Variants in TROAP observed in about 807,000 individuals in gnomAD.
The protein encoded by TROAP is trophinin associated protein.
Under a neutral mutation model 83.4 loss-of-function variants are expected in TROAP, and 62 were observed. The observed-to-expected ratio is 0.74, with a 90% CI of 0.61 to 0.92. TROAP has a LOEUF of 0.92. Among genes scored for constraint, TROAP ranks in the 40% least tolerant of loss-of-function variants. The probability of loss-of-function intolerance (pLI) is 0.00; values close to 1 mark genes in which losing one functional copy is unlikely to be tolerated. For synonymous variants in TROAP, 352 were observed against 386.4 expected (o/e 0.91, Z 1.04); for missense variants, 876 against 985.1 (o/e 0.89, Z 1.48).
In TROAP at chr12:49,329,559, C is replaced by T. The variant is rs1422581464; in HGVS notation, c.1164+105C>T. ...GTGCTTTCTGGGCCAGGCATGGTGG[C>T]TCACACCTGTAATCCCAGCACTTTG... On this transcript the variant is annotated intron_variant, in intron 11 of 14. Transcript: ENST00000257909. This position sits in a 1 kb window ranked among gnomAD's most constrained non-coding sequence, Gnocchi z 4.5. The T allele has an allele frequency of 5.2e-5, 69 of 1,335,296 alleles. No homozygotes were observed. Among genetic ancestry groups the T allele is most frequent in the Non-Finnish European group, 7.0e-5 (68 of 968,178 alleles). The allele number at this position is 1,335,296 out of a possible 1,614,324, so 82.7% of individuals were successfully genotyped here.
chr12:49,326,216 A>C, intron 6 of TROAP, 58 bp downstream of exon 6: 1 of 1,560,494 alleles, frequency 6.4e-7, no homozygotes. Context: ...CCAGTGTCTG[A>C]TACAGGAGTC....
At chr12:49,330,046 G>A in intron 12 of TROAP, 55 bp downstream of exon 12, 2 of 1,609,310 alleles carry the variant, frequency 1.2e-6, no homozygotes, top group Non-Finnish European at 1.7e-6. Context: ...CTGGGCTGAG[G>A]AAGAGGGAAA....
At chr12:49,326,280 G>A in intron 6 of TROAP, 122 bp downstream of exon 6, 1 of 978,088 alleles carries the variant, frequency 1.0e-6, no homozygotes, top group Non-Finnish European at 1.6e-6. Flanking sequence ...ACTCAGGAGG[G>A]GAAGCAAGAA....
chr12:49,326,644 G>T, intron 6 of TROAP, 24 bp from the exon 7 acceptor site: 1 of 1,551,886 alleles, frequency 6.4e-7, no homozygotes, highest in South Asian at 1.2e-5. Flanking sequence ...AGTGACTGCT[G>T]GCTAATGTCC....
chr12:49,326,632 T>G (rs766329667), intron 6 of TROAP, 36 bp from the exon 7 acceptor site: 4 of 1,548,542 alleles, frequency 2.6e-6, no homozygotes, highest in Non-Finnish European at 2.6e-6. Flanking sequence ...TACTTGGTAT[T>G]CAGTGACTGC....
intron 13 of TROAP, 127 bp from the exon 14 acceptor site, chr12:49,331,087 G>A (rs749780379): frequency 5.1e-5 from 78 of 1,530,760 alleles, no homozygotes; most frequent in Non-Finnish European, 6.4e-5. Context: ...TCAGGAAGAG[G>A]GGAGGGGCTG....
Position 49,329,899 on chromosome 12 carries a change from A to C in TROAP, c.1207A>C (p.Arg403=), listed in dbSNP as rs1943552540. 3 of 1,613,944 alleles carry C rather than the reference A, an allele frequency of 1.9e-6. No homozygotes were observed. Among genetic ancestry groups the C allele is most frequent in the Non-Finnish European group, 2.5e-6 (3 of 1,180,008 alleles). The change falls in exon 12 of 15, where the codon AGG becomes CGG. Residue 403 remains arginine (R), a synonymous_variant. Transcript: ENST00000257909. This position sits in a 1 kb window ranked among gnomAD's most constrained non-coding sequence, Gnocchi z 4.5. ...VRLFDQESCI[R]SLEGSGKPPV... ...GTTGTTTGACCAGGAGAGTTGTATA[A>C]GGTCACTGGAGGGTTCTGGGAAACC...
intron 8 of TROAP, among the ~76,000 whole-genome samples, chr12:49,327,707 T>A (rs1943521532): frequency 6.6e-6 from 1 of 152,060 alleles, no homozygotes; most frequent in African/African-American, 2.4e-5. Context: ...GTAAACAAGT[T>A]CATATTCTAG....
chr12:49,329,938 CCTT>C lies in TROAP; in HGVS notation c.1249_1251del (p.Ser417del), dbSNP rs758361197. On this transcript the variant is annotated inframe_deletion, in exon 12 of 15. Transcript: ENST00000257909. The surrounding 1 kb of genome is among the most constrained non-coding windows in gnomAD (Gnocchi z 4.5). ...TTCTGGGAAACCACCGGTGGCCACT[CCTT>C]CTGGACCCCACTCTAACAGAACCCC... 1 of 1,614,106 alleles carries C rather than the reference CCTT, an allele frequency of 6.2e-7. No individual in the cohort carries two copies.
At position 49,329,881 on chromosome 12, in the gene TROAP, G is replaced by C. The variant is rs746165494; in HGVS notation, c.1189G>C (p.Asp397His). The C allele has an allele frequency of 6.2e-7, 1 of 1,614,026 alleles. No homozygotes were observed. ...GGAGCAGGTTGCCGTCCGGTTGTTT[G>C]ACCAGGAGAGTTGTATAAGGTCACT... Reference protein sequence around the residue: ...PWEQVAVRLFDQESCIRSLEG... With the variant: ...PWEQVAVRLFHQESCIRSLEG... The change falls in exon 12 of 15, where the codon GAC (aspartate) becomes CAC (histidine). Residue 397 changes from aspartate (D) to histidine (H), a missense_variant. Asp to His is a moderately conservative substitution (Grantham distance 81, BLOSUM62 -1). Around this residue, in one of 3 missense-constraint regions of TROAP, gnomAD observed 689 missense variants for 722.6 expected, o/e 0.95. Transcript: ENST00000257909. This position sits in a 1 kb window ranked among gnomAD's most constrained non-coding sequence, Gnocchi z 4.5.
At chr12:49,331,190 C>G (rs747605552) in intron 13 of TROAP, 24 bp from the exon 14 acceptor site, 1 of 1,613,860 alleles carries the variant, frequency 6.2e-7, no homozygotes, top group Non-Finnish European at 8.5e-7. Context: ...CCAGACCTCC[C>G]TCTAAATTTT....
In TROAP at chr12:49,331,293, C is replaced by CGAGGCT. The variant is rs1316096385; in HGVS notation, c.2179_2184dup (p.Glu727_Ala728dup). ...GTTTAACCGCCATCCACTGCTTCCA[C>CGAGGCT]GAGGCTCGTCTGGACGATGAGTGTG... On this transcript the variant is annotated inframe_insertion, in exon 14 of 15. Transcript: ENST00000257909. 1.9e-6 allele frequency: 3 copies of CGAGGCT among 1,614,116 alleles called. No individual in the cohort carries two copies. Among genetic ancestry groups the CGAGGCT allele is most frequent in the Non-Finnish European group, 2.5e-6 (3 of 1,180,060 alleles).
Position 49,326,170 on chromosome 12 carries a change from G to A in TROAP, c.716+12G>A. ...GCTGGCAGCAGCCGGTGAGAAAGGA[G>A]AGGGTGTGGGAGAAGGTCATCTGGA... On this transcript the variant is annotated intron_variant, in intron 6 of 14. Coordinates refer to ENST00000257909, the MANE Select transcript of TROAP (RefSeq NM_005480.4). 1 of 1,612,972 alleles carries A rather than the reference G, an allele frequency of 6.2e-7. No individual in the cohort carries two copies. The highest frequency in any genetic ancestry group is 1.1e-5 in the South Asian group (1 of 91,040).
intron 8 of TROAP, among the ~76,000 whole-genome samples, chr12:49,327,968 A>AG (rs1943524949): frequency 6.6e-6 from 1 of 152,094 alleles, no homozygotes; most frequent in Non-Finnish European, 1.5e-5. Context: ...TTCCAGGCCA[A>AG]GAGAACTGAA....
At chr12:49,326,503 C>T (rs1943503164) in intron 6 of TROAP, 165 bp from the exon 7 acceptor site, 1 of 847,310 alleles carries the variant, frequency 1.2e-6, no homozygotes, top group Admixed American at 2.8e-5. Flanking sequence ...GCAAGCTTGC[C>T]TTCACCTCTC....
At chr12:49,325,974 T>C (rs1444543843) in intron 5 of TROAP, 90 bp downstream of exon 5, 1 of 1,604,798 alleles carries the variant, frequency 6.2e-7, no homozygotes, top group Admixed American at 1.7e-5. Flanking sequence ...TACCTCATGA[T>C]GAGGCAAGGG....
At chr12:49,325,696 C>T (rs1565669163) in intron 4 of TROAP, 38 bp downstream of exon 4, 2 of 1,612,572 alleles carry the variant, frequency 1.2e-6, no homozygotes, top group Non-Finnish European at 8.5e-7. Flanking sequence ...GGCTAGGGGG[C>T]ACTGAGGGGG....
chr12:49,324,474 T>C (rs1943463147), intron 3 of TROAP: 2 of 324,774 alleles, frequency 6.2e-6, no homozygotes, highest in Non-Finnish European at 1.1e-5. Flanking sequence ...TGTATATACC[T>C]TGGCTTGAGT....
chr12:49,325,915 GCTTC>G (rs1393605218), intron 5 of TROAP, 31 bp downstream of exon 5: 1 of 1,606,538 alleles, frequency 6.2e-7, no homozygotes, highest in Non-Finnish European at 8.5e-7. Context: ...GATAGTCGGT[GCTTC>G]TGGGAGCTCC....
Sources: gnomAD v4.1 joint callset for allele counts (sites outside exome capture counted in the v4.1 genomes callset) on GRCh38, gnomAD v4.1.1 for gene constraint, gnomAD v4.1.1 regional missense constraint, Gnocchi (gnomAD v3.1) non-coding constraint, MANE v1.5 for transcripts, NCBI Gene and HGNC (gene_info 2026-07-23, HGNC 2026-07-21) for gene names.